Variants in SLC22A25 observed in about 807,000 individuals in gnomAD.
The protein encoded by SLC22A25 is MGI:2442751, MGI:2385316, MGI:3042283, MGI:3645714, MGI:3605624, MGI:2442750.
SLC22A25 carries 44 observed loss-of-function variants against 45.9 expected under a neutral mutation model. That is an observed-to-expected ratio of 0.96 (90% CI 0.75 to 1.23). The LOEUF is 1.23. SLC22A25 is among the 50% of genes most tolerant of loss of function. SLC22A25 has a pLI of 0.00. For missense variants in SLC22A25, 800 were observed against 666.4 expected, an observed-to-expected ratio of 1.20 and a Z score of -2.21; for synonymous variants, 283 against 238.6, an observed-to-expected ratio of 1.19 and a Z score of -1.72.
chr11:63,211,383 T>C (rs1447365425), intron 7 of SLC22A25, among the ~76,000 whole-genome samples: 1 of 152,158 alleles, frequency 6.6e-6, no homozygotes, highest in East Asian at 1.9e-4. Flanking sequence ...ACTGTGACTA[T>C]CCATGCCATA....
rs1176609077 is a variant in SLC22A25 at position 63,163,864 on chromosome 11, A to T, written c.1604T>A (p.Val535Glu). 1 of 1,613,700 alleles carries T rather than the reference A, an allele frequency of 6.2e-7. No individual in the cohort carries two copies. Among genetic ancestry groups the T allele is most frequent in the Non-Finnish European group, 8.5e-7 (1 of 1,179,842 alleles). Reference sequence around the variant, plus strand: ...CCTCTGAGGGGCAGCTAGGCTATTTACTCCCTCATTTTCCACATCCTGGAT... The same window carrying T: ...CCTCTGAGGGGCAGCTAGGCTATTTTCTCCCTCATTTTCCACATCCTGGAT... ...DSIQDVENEG[V>E]NSLAAPQRSS... Residue 535 changes from valine (V) to glutamate (E), a missense_variant, in exon 12 of 12, where the codon GTA (valine) becomes GAA (glutamate). Physicochemically the swap from Val to Glu is moderately radical, Grantham distance 121. Transcript: ENST00000306494.
At chr11:63,174,852 A>T (rs557198242) in intron 9 of SLC22A25, among the ~76,000 whole-genome samples, 5 of 152,106 alleles carry the variant, frequency 3.3e-5, no homozygotes, top group African/African-American at 1.2e-4. Flanking sequence ...TATAAATTTG[A>T]TTATTTTAGA....
At chr11:63,173,324 T>G (rs970012060) in intron 9 of SLC22A25, among the ~76,000 whole-genome samples, 1 of 152,142 alleles carries the variant, frequency 6.6e-6, no homozygotes, top group African/African-American at 2.4e-5. Context: ...CCATGGCACA[T>G]GTATACCAAT....
At position 63,183,698 on chromosome 11, in the gene SLC22A25, A is replaced by G. The variant is rs1421326831; in HGVS notation, c.950T>C (p.Met317Thr). ...GMKNAEDILT[M>T]EVLKSTMKQE... ...TCCAGCTCCCGTCTTGCTTACCTCC[A>G]TGGTTAGGATGTCTTCAGCATTCTT... Residue 317 changes from methionine to threonine, a missense_variant, in exon 8 of 12, where the codon ATG (methionine) becomes ACG (threonine). Coordinates refer to ENST00000306494, the MANE Select transcript of SLC22A25 (RefSeq NM_199352.6). 7 of 1,612,680 alleles carry G rather than the reference A, an allele frequency of 4.3e-6. No individual in the cohort carries two copies. Among genetic ancestry groups the G allele is most frequent in the East Asian group, 4.5e-5 (2 of 44,852 alleles).
intron 9 of SLC22A25, among the ~76,000 whole-genome samples, chr11:63,170,618 G>C (rs1198626969): frequency 6.6e-6 from 1 of 152,110 alleles, no homozygotes; most frequent in Admixed American, 6.6e-5. Context: ...AAACCAGGAA[G>C]AAGTTGAATC....
chr11:63,229,210 G>A (rs74759635), intron 4 of SLC22A25, 41 bp downstream of exon 4: 2 of 1,476,928 alleles, frequency 1.4e-6, no homozygotes, highest in South Asian at 1.5e-5. Flanking sequence ...ATTCTAAACA[G>A]CCAGGTCATG....
At chr11:63,241,842 C>G (rs1032335574) in intron 1 of SLC22A25, among the ~76,000 whole-genome samples, 2 of 152,192 alleles carry the variant, frequency 1.3e-5, no homozygotes, top group African/African-American at 4.8e-5. Context: ...TCTGAACCAC[C>G]AGACTGTGCA....
chr11:63,162,173 G>C lies in SLC22A25; in HGVS notation c.*1651C>G, dbSNP rs1026780733. Among the ~76,000 whole-genome samples, 1 of 152,088 alleles carries C rather than the reference G, an allele frequency of 6.6e-6. No homozygotes were observed. The highest frequency in any genetic ancestry group is 1.5e-5 in the Non-Finnish European group (1 of 68,010). ...TATATATTCTGGTGATTAGTCCTTTGTCAGAGGGGTAGTTTGCAAGTATTT... is the reference window on the plus strand; with the variant it reads ...TATATATTCTGGTGATTAGTCCTTTCTCAGAGGGGTAGTTTGCAAGTATTT... On this transcript the variant is annotated 3_prime_UTR_variant, in exon 12 of 12. Coordinates refer to ENST00000306494, the MANE Select transcript of SLC22A25 (RefSeq NM_199352.6).
chr11:63,220,693 G>A (rs996343238), intron 5 of SLC22A25, among the ~76,000 whole-genome samples: 1 of 152,082 alleles, frequency 6.6e-6, no homozygotes, highest in African/African-American at 2.4e-5. Context: ...CGTGTTGTGT[G>A]ATCAAATACT....
intron 9 of SLC22A25, chr11:63,166,889 G>C (rs1052177616): frequency 2.0e-6 from 2 of 984,864 alleles, no homozygotes; most frequent in Non-Finnish European, 2.4e-6. Context: ...CAGCTGGCAA[G>C]ATGGCCGAAT....
At position 63,227,956 on chromosome 11, in the gene SLC22A25, C is replaced by T. The variant is rs2134837255; in HGVS notation, c.506+505G>A. Among the ~76,000 whole-genome samples, 2 of 152,328 alleles carry T rather than the reference C, an allele frequency of 1.3e-5. 1 individual carries two copies. The highest frequency in any genetic ancestry group is 4.1e-4 in the South Asian group (2 of 4,824). The stretch of plus-strand genomic sequence containing the variant: ...AAGTCCCGTAATTGCTGTGCTCTTC[C>T]TCCCCCAAGTGCACAGATTCTCTGT... On this transcript the variant is annotated intron_variant, in intron 5 of 11. Coordinates refer to ENST00000306494, the MANE Select transcript of SLC22A25 (RefSeq NM_199352.6).
rs1012905708 is a variant in SLC22A25, at chr11:63,162,091, G to A, written c.*1733C>T. Among the ~76,000 whole-genome samples, 7 of 152,052 alleles carry A rather than the reference G, an allele frequency of 4.6e-5. No individual in the cohort carries two copies. Among genetic ancestry groups the A allele is most frequent in the Non-Finnish European group, 5.9e-5 (4 of 67,996 alleles). On this transcript the variant is annotated 3_prime_UTR_variant, in exon 12 of 12. Transcript: ENST00000306494. ...CTTCTTTTGAGAAATACCTATTCAC[G>A]TTGCCCATTGTTTGATGAGATTATT... is the stretch of plus-strand genomic sequence containing the variant.
At chr11:63,176,931 G>A (rs2088109574) in intron 9 of SLC22A25, among the ~76,000 whole-genome samples, 1 of 151,878 alleles carries the variant, frequency 6.6e-6, no homozygotes, top group Non-Finnish European at 1.5e-5. Flanking sequence ...TTCTTATAAT[G>A]CAGATCTAGT....
chr11:63,190,769 A>T (rs1235755222), intron 7 of SLC22A25, among the ~76,000 whole-genome samples: 2 of 152,160 alleles, frequency 1.3e-5, no homozygotes, highest in African/African-American at 2.4e-5. Flanking sequence ...TCTAACAGTC[A>T]GGACCTTCAG....
chr11:63,227,546 C>CCCTCT (rs921844171), intron 5 of SLC22A25, among the ~76,000 whole-genome samples: 1 of 152,162 alleles, frequency 6.6e-6, no homozygotes, highest in African/African-American at 2.4e-5. Context: ...CTTTACTTTT[C>CCCTCT]CCTCTCCTCT....
chr11:63,187,442 T>C (rs2088603609), intron 7 of SLC22A25, among the ~76,000 whole-genome samples: 1 of 152,218 alleles, frequency 6.6e-6, no homozygotes, highest in African/African-American at 2.4e-5. Flanking sequence ...AAGGAGATTT[T>C]GGGCTGAGAC....
At chr11:63,165,979 C>A in intron 10 of SLC22A25, 65 bp downstream of exon 10, 1 of 1,567,762 alleles carries the variant, frequency 6.4e-7, no homozygotes, top group Non-Finnish European at 8.7e-7. Context: ...ATAGGTGTGA[C>A]CAGGGCAATC....
intron 7 of SLC22A25, among the ~76,000 whole-genome samples, chr11:63,194,801 G>A (rs1460046068): frequency 1.4e-5 from 2 of 148,086 alleles, no homozygotes; most frequent in Non-Finnish European, 3.0e-5. Context: ...TCATCAGTGT[G>A]TTGTATTCAG....
chr11:63,176,802 G>A (rs910537388), intron 9 of SLC22A25, among the ~76,000 whole-genome samples: 4 of 152,150 alleles, frequency 2.6e-5, no homozygotes, highest in African/African-American at 2.4e-5. Flanking sequence ...TTTTCATCGA[G>A]TATGATGTTA....
Sources: allele counts gnomAD v4.1 joint callset (sites outside exome capture counted in the v4.1 genomes callset), GRCh38; gene constraint gnomAD v4.1.1; transcripts MANE v1.5; gene names NCBI Gene and HGNC (gene_info 2026-07-23, HGNC 2026-07-21).